The following HCN2 variants were observed in gnomAD, a reference collection of about 807,000 sequenced individuals.
HCN2 encodes hyperpolarization activated cyclic nucleotide gated potassium and sodium channel 2.
Under a neutral mutation model 52.3 loss-of-function variants are expected in HCN2, and 20 were observed. The ratio of observed to expected loss-of-function variants is 0.38; its 90% CI spans 0.27 to 0.56. The LOEUF is 0.56. Among genes scored for constraint, HCN2 ranks in the 20% least tolerant of loss-of-function variants. The pLI, the probability that HCN2 is intolerant of heterozygous loss-of-function variation, is 0.71. For missense variants in HCN2, 981 were observed against 1,207.7 expected, an observed-to-expected ratio of 0.81 and a Z score of 2.78; for synonymous variants, 694 against 537.0, an observed-to-expected ratio of 1.29 and a Z score of -4.04.
chr19:612,943 A>G (rs1983708177), intron 5 of HCN2, among the ~76,000 whole-genome samples: 1 of 151,562 alleles, frequency 6.6e-6, no homozygotes, highest in South Asian at 2.1e-4. Context: ...GCCTCCGCAA[A>G]TGCTGAGATC....
intron 1 of HCN2, among the ~76,000 whole-genome samples, chr19:598,062 C>G (rs999282744): frequency 6.6e-6 from 1 of 152,162 alleles, no homozygotes; most frequent in Non-Finnish European, 1.5e-5. Context: ...GGGCTGAGCT[C>G]CACGGTGAGC....
In HCN2 at chr19:590,734, G is replaced by C. The variant is rs888365073; in HGVS notation, c.632+157G>C. The C allele has an allele frequency of 1.3e-5, 6 of 451,366 alleles. No individual in the cohort carries two copies. The highest frequency in any genetic ancestry group is 2.1e-5 in the African/African-American group (1 of 48,196). 28.0% of individuals were successfully genotyped at this position (451,366 alleles called of 1,614,324 possible). ...TCGGGCGTGTCCGGGACCCGCCCCG[G>C]AGTGACCCCGGCGCGCGAGGCTCCG... On this transcript the variant is annotated intron_variant, in intron 1 of 7. Coordinates refer to ENST00000251287, the MANE Select transcript of HCN2 (RefSeq NM_001194.4). The surrounding 1 kb of genome is among the most constrained non-coding windows in gnomAD (Gnocchi z 7.2).
chr19:609,173 C>T (rs918685499), intron 4 of HCN2, among the ~76,000 whole-genome samples: 5 of 152,194 alleles, frequency 3.3e-5, no homozygotes, highest in African/African-American at 4.8e-5. Context: ...TGCCACCACC[C>T]GCCCGCCGTC....
At chr19:615,089 C>A (rs1983836735) in intron 7 of HCN2, among the ~76,000 whole-genome samples, 1 of 152,004 alleles carries the variant, frequency 6.6e-6, no homozygotes, top group South Asian at 2.1e-4. Context: ...AGGCTGTGTA[C>A]AGGCAGGTGT....
chr19:595,373 G>A (rs565855358), intron 1 of HCN2, among the ~76,000 whole-genome samples: 10 of 142,492 alleles, frequency 7.0e-5, no homozygotes, highest in East Asian at 2.1e-4. Context: ...CTGGCCTCCC[G>A]GCTGTCAGCA....
intron 4 of HCN2, among the ~76,000 whole-genome samples, chr19:608,872 G>T (rs1037966938): frequency 6.6e-6 from 1 of 152,166 alleles, no homozygotes; most frequent in African/African-American, 2.4e-5. Flanking sequence ...TGCGGCCTCT[G>T]GCCTGCAGCG....
intron 1 of HCN2, among the ~76,000 whole-genome samples, chr19:594,865 C>T (rs988445673): frequency 6.6e-6 from 1 of 152,132 alleles, no homozygotes; most frequent in African/African-American, 2.4e-5. Context: ...GCCAAGGCCT[C>T]CCCGCTCTCT....
intron 1 of HCN2, among the ~76,000 whole-genome samples, chr19:599,506 G>A (rs1215663450): frequency 2.6e-5 from 4 of 152,120 alleles, no homozygotes; most frequent in South Asian, 2.1e-4. Context: ...TTGGCCGGGC[G>A]CGGTGGCTCA....
intron 1 of HCN2, among the ~76,000 whole-genome samples, chr19:600,928 C>T (rs532995340): frequency 6.6e-6 from 1 of 152,328 alleles, no homozygotes; most frequent in South Asian, 2.1e-4. Flanking sequence ...GCACCCCGCA[C>T]ATGCCACTTC....
chr19:611,452 GGCTGGAGGA>G (rs1202747296), intron 5 of HCN2, among the ~76,000 whole-genome samples: 2 of 152,308 alleles, frequency 1.3e-5, no homozygotes, highest in East Asian at 3.9e-4. Context: ...CCCGAGGAGG[GGCTGGAGGA>G]GCTGGGCGAG....
chr19:615,370 C>T (rs1448036838), intron 7 of HCN2, among the ~76,000 whole-genome samples: 12 of 152,066 alleles, frequency 7.9e-5, no homozygotes, highest in Non-Finnish European at 8.8e-5. Context: ...AAAAATTAGC[C>T]GGGTGTGGTG....
chr19:589,904 G>C lies in HCN2; in HGVS notation c.-42G>C. 1.2e-6 allele frequency: 1 copy of C among 818,596 alleles called. No homozygotes were observed. Among genetic ancestry groups the C allele is most frequent in the Non-Finnish European group, 1.4e-6 (1 of 690,138 alleles). The allele number at this position is 818,596 out of a possible 1,614,324, so 50.7% of individuals were successfully genotyped here. ...CTCCCTCGGGCTCCGGCCGGCGGCGGCGGCGGCGGCTCCGCTCCGCACTGC... is the reference window on the plus strand; with the variant it reads ...CTCCCTCGGGCTCCGGCCGGCGGCGCCGGCGGCGGCTCCGCTCCGCACTGC... On this transcript the variant is annotated 5_prime_UTR_variant, in exon 1 of 8. Coordinates refer to ENST00000251287, the MANE Select transcript of HCN2 (RefSeq NM_001194.4).
rs781185447 is a variant in HCN2, at chr19:603,958, G to A, written c.1047G>A (p.Gln349=). ...RLSRLIRYIH[Q]WEEIFHMTYD... ...CACGCCTGATCCGCTACATCCATCAGTGGGAGGAGGTGAGGTGGGGCGGGG... is the reference window on the plus strand; with the variant it reads ...CACGCCTGATCCGCTACATCCATCAATGGGAGGAGGTGAGGTGGGGCGGGG... Residue 349 remains glutamine (Q), a synonymous_variant, in exon 2 of 8, where the codon CAG becomes CAA. Coordinates refer to ENST00000251287, the MANE Select transcript of HCN2 (RefSeq NM_001194.4). The A allele has an allele frequency of 1.9e-6, 3 of 1,603,790 alleles. No individual in the cohort carries two copies. The highest frequency in any genetic ancestry group is 2.2e-5 in the South Asian group (2 of 90,970).
At chr19:605,264 C>G (rs1378349284) in intron 3 of HCN2, 42 bp downstream of exon 3, 1 of 1,596,500 alleles carries the variant, frequency 6.3e-7, no homozygotes, top group Middle Eastern at 2.3e-4. Flanking sequence ...ACGCAGGCTC[C>G]CATACAGAGG....
intron 1 of HCN2, among the ~76,000 whole-genome samples, chr19:595,852 C>A (rs994812939): frequency 3.3e-5 from 5 of 152,362 alleles, no homozygotes; most frequent in Middle Eastern, 3.4e-3. Flanking sequence ...CCTTAATCAC[C>A]GACCTCCGGC....
chr19:610,400 C>T lies in HCN2; in HGVS notation c.1579C>T (p.Arg527Trp), dbSNP rs750356659. 13 of 1,612,752 alleles carry T rather than the reference C, an allele frequency of 8.1e-6. No homozygotes were observed. The highest frequency in any genetic ancestry group is 2.2e-5 in the East Asian group (1 of 44,876). The change falls in exon 5 of 8, where the codon CGG (arginine) becomes TGG (tryptophan). Residue 527 changes from arginine to tryptophan, a missense_variant. By Grantham distance (101) the Arg-to-Trp change is moderately radical. Transcript: ENST00000251287. ...CCTGGGCGAGCTCAACGGGCCCCTG[C>T]GGGAGGTGAGGCGGGCGCCGGGCGG... ...SILGELNGPL[R>W]EEIVNFNCRK...
chr19:602,086 C>T (rs1416946072), intron 1 of HCN2, among the ~76,000 whole-genome samples: 16 of 135,434 alleles, frequency 1.2e-4, no homozygotes, highest in Non-Finnish European at 1.6e-4. Flanking sequence ...CCTGTGTGGA[C>T]GCCCCACTTC....
chr19:598,567 A>C (rs1264699004), intron 1 of HCN2, among the ~76,000 whole-genome samples: 2 of 151,764 alleles, frequency 1.3e-5, no homozygotes, highest in African/African-American at 4.9e-5. Context: ...TGGCCTCCCA[A>C]GGTGCTGGCA....
At chr19:613,135 C>T (rs1983718004) in intron 5 of HCN2, 113 bp from the exon 6 acceptor site, 22 of 1,378,678 alleles carry the variant, frequency 1.6e-5, no homozygotes, top group Admixed American at 2.2e-5. Flanking sequence ...GGGCTGAGCC[C>T]GTCTCTCAGA....
Sources: gnomAD v4.1 joint callset for allele counts (sites outside exome capture counted in the v4.1 genomes callset) on GRCh38, gnomAD v4.1.1 for gene constraint, Gnocchi (gnomAD v3.1) non-coding constraint, MANE v1.5 for transcripts, NCBI Gene and HGNC (gene_info 2026-07-23, HGNC 2026-07-21) for gene names.